Variants in TBC1D22A observed in about 807,000 individuals in gnomAD.
The protein encoded by TBC1D22A is TBC1 domain family member 22A, also known as putative GTPase activator.
Under a neutral mutation model 60.2 loss-of-function variants are expected in TBC1D22A, and 38 were observed. The ratio of observed to expected loss-of-function variants is 0.63; its 90% CI spans 0.49 to 0.83. The LOEUF (loss-of-function observed/expected upper bound fraction) is 0.83. Ranked by LOEUF, TBC1D22A falls within the 40% of genes least tolerant of loss-of-function variation. The probability of loss-of-function intolerance (pLI) is 0.00; values close to 1 mark genes in which losing one functional copy is unlikely to be tolerated. For missense variants in TBC1D22A, 628 were observed against 701.0 expected, an observed-to-expected ratio of 0.90 and a Z score of 1.18; for synonymous variants, 302 against 281.7, an observed-to-expected ratio of 1.07 and a Z score of -0.72.
At chr22:46,807,954 A>T (rs188687103) in intron 4 of TBC1D22A, among the ~76,000 whole-genome samples, 363 of 150,844 alleles carry the variant, frequency 2.4e-3, no homozygotes, top group African/African-American at 8.3e-3. Context: ...GTGACAGAGC[A>T]ACACCGTGTC....
At chr22:47,154,330 C>T (rs2067627605) in intron 12 of TBC1D22A, among the ~76,000 whole-genome samples, 1 of 152,240 alleles carries the variant, frequency 6.6e-6, no homozygotes, top group Non-Finnish European at 1.5e-5. Context: ...GACCTGCTCA[C>T]CCTCTGAGCT....
At chr22:46,763,107 C>G (rs1379386217) in intron 1 of TBC1D22A, among the ~76,000 whole-genome samples, 1 of 152,080 alleles carries the variant, frequency 6.6e-6, no homozygotes, top group African/African-American at 2.4e-5. Flanking sequence ...TGGCAGGCTT[C>G]TTTCCGAGAA....
chr22:46,874,735 G>A (rs2067466653), intron 4 of TBC1D22A, among the ~76,000 whole-genome samples: 1 of 151,734 alleles, frequency 6.6e-6, no homozygotes. Context: ...CACCACGCCT[G>A]GCTAATTTTT....
chr22:46,844,334 C>T (rs1360959293), intron 4 of TBC1D22A, among the ~76,000 whole-genome samples: 1 of 152,124 alleles, frequency 6.6e-6, no homozygotes, highest in African/African-American at 2.4e-5. Flanking sequence ...TCTTACTCTC[C>T]TCTTTGGAGA....
At chr22:46,969,713 C>A (rs189402982) in intron 8 of TBC1D22A, among the ~76,000 whole-genome samples, 1 of 152,134 alleles carries the variant, frequency 6.6e-6, no homozygotes, top group African/African-American at 2.4e-5. Flanking sequence ...CACCACCTTG[C>A]GGGCTCTTTG....
chr22:47,079,003 A>G (rs1210907279), intron 11 of TBC1D22A, among the ~76,000 whole-genome samples: 3 of 151,756 alleles, frequency 2.0e-5, no homozygotes, highest in East Asian at 1.9e-4. Flanking sequence ...AACACCCTGT[A>G]TATATACGAA....
At chr22:47,021,027 T>C (rs1193946356) in intron 10 of TBC1D22A, among the ~76,000 whole-genome samples, 1 of 152,198 alleles carries the variant, frequency 6.6e-6, no homozygotes, top group East Asian at 1.9e-4. Flanking sequence ...AAGGAGTGAA[T>C]CCTGCCTGCA....
At chr22:47,121,541 G>A (rs2066270908) in intron 12 of TBC1D22A, among the ~76,000 whole-genome samples, 1 of 152,128 alleles carries the variant, frequency 6.6e-6, no homozygotes, top group African/African-American at 2.4e-5. Context: ...TGGAGGAAAA[G>A]CATGACCTGA....
intron 10 of TBC1D22A, among the ~76,000 whole-genome samples, chr22:47,022,088 C>G (rs1215270826): frequency 6.6e-6 from 1 of 152,224 alleles, no homozygotes; most frequent in Non-Finnish European, 1.5e-5. Flanking sequence ...TTCATTTACA[C>G]TTGATCAGGG....
chr22:46,928,139 A>AC (rs1182246816), intron 8 of TBC1D22A, among the ~76,000 whole-genome samples: 240 of 150,808 alleles, frequency 1.6e-3, no homozygotes, highest in African/African-American at 5.6e-3. Flanking sequence ...AAAAAAAAAA[A>AC]AACAAAGATT....
At chr22:47,127,255 T>C (rs952799917) in intron 12 of TBC1D22A, among the ~76,000 whole-genome samples, 1 of 144,222 alleles carries the variant, frequency 6.9e-6, no homozygotes, top group Non-Finnish European at 1.5e-5. Context: ...TGAGACAGAG[T>C]CTTGCTCTGT....
At chr22:47,037,588 G>A (rs572975803) in intron 11 of TBC1D22A, among the ~76,000 whole-genome samples, 5 of 152,272 alleles carry the variant, frequency 3.3e-5, no homozygotes, top group African/African-American at 9.6e-5. Context: ...CCAAGCTTGC[G>A]CCACTGCACT....
chr22:46,776,491 G>A (rs949064312), intron 1 of TBC1D22A, among the ~76,000 whole-genome samples: 3 of 152,058 alleles, frequency 2.0e-5, no homozygotes, highest in Non-Finnish European at 4.4e-5. Flanking sequence ...GGTGGCTGCA[G>A]GAGTTTTGGC....
intron 10 of TBC1D22A, among the ~76,000 whole-genome samples, chr22:46,998,257 C>T (rs1339310066): frequency 6.6e-6 from 1 of 152,138 alleles, no homozygotes. Context: ...TGCTGACTGT[C>T]ATATTACAAT....
At chr22:47,144,202 C>T (rs2067210604) in intron 12 of TBC1D22A, among the ~76,000 whole-genome samples, 1 of 152,220 alleles carries the variant, frequency 6.6e-6, no homozygotes, top group Admixed American at 6.5e-5. Flanking sequence ...AGCCACCGTG[C>T]TCACTTCTCA....
At chr22:47,042,010 C>T (rs146286868) in intron 11 of TBC1D22A, among the ~76,000 whole-genome samples, 174 of 152,368 alleles carry the variant, frequency 1.1e-3, no homozygotes, top group Non-Finnish European at 2.0e-3. Flanking sequence ...CCCTTATCAC[C>T]GGTGTTTTGT....
rs557295200 is a variant in TBC1D22A at position 47,174,494 on chromosome 22, C to T, written c.*868C>T. The T allele has an allele frequency of 3.9e-5, 6 of 152,414 alleles. No individual in the cohort carries two copies. The highest frequency in any genetic ancestry group is 1.4e-4 in the African/African-American group (6 of 41,596). 9.4% of individuals were successfully genotyped at this position (152,414 alleles called of 1,614,324 possible). The stretch of plus-strand genomic sequence containing the variant: ...GCGTCCCTGTCATCAAAGCCCTGAA[C>T]CACAGTGCTCTTCTCACCGCAGCCT... On this transcript the variant is annotated 3_prime_UTR_variant, in exon 13 of 13. Transcript: ENST00000337137.
At position 46,881,107 on chromosome 22, in the gene TBC1D22A, G is replaced by A. The variant is rs538162857; in HGVS notation, c.708+2384G>A. 2.8e-3 allele frequency among the ~76,000 whole-genome samples: 427 copies of A among 152,202 alleles called. 3 individuals carry two copies. The highest frequency in any genetic ancestry group is 6.8e-3 in the Middle Eastern group (2 of 294). On this transcript the variant is annotated intron_variant, in intron 5 of 12. Transcript: ENST00000337137. ...AGGCTGGGGTAGAGGGGCCCAAGAG[G>A]AGACCAGGTGACAGCCGCCCTACTG...
At chr22:47,154,089 G>A (rs981316093) in intron 12 of TBC1D22A, among the ~76,000 whole-genome samples, 4 of 152,152 alleles carry the variant, frequency 2.6e-5, no homozygotes, top group Admixed American at 1.3e-4. Flanking sequence ...AGGGCGCGTG[G>A]CTGGCGGGAG....
Sources: allele counts gnomAD v4.1 joint callset (sites outside exome capture counted in the v4.1 genomes callset), GRCh38; gene constraint gnomAD v4.1.1; transcripts MANE v1.5; gene names NCBI Gene and HGNC (gene_info 2026-07-23, HGNC 2026-07-21).